The following PTPRD variants were observed in gnomAD, a reference collection of about 807,000 sequenced individuals.
The protein encoded by PTPRD is protein tyrosine phosphatase receptor type D.
Under a neutral mutation model 214.5 loss-of-function variants are expected in PTPRD, and 34 were observed. The observed-to-expected ratio is 0.16, with a 90% CI of 0.12 to 0.21. PTPRD has a LOEUF of 0.21. Ranked by LOEUF, PTPRD falls within the 10% of genes least tolerant of loss-of-function variation. The pLI is 1.00. For synonymous variants in PTPRD, 1,128 were observed against 845.7 expected, an observed-to-expected ratio of 1.33 and a Z score of -5.79; for missense variants, 2,545 against 2,398.7, an observed-to-expected ratio of 1.06 and a Z score of -1.27.
chr9:9,174,458 T>C (rs1034035735), intron 10 of PTPRD, among the ~76,000 whole-genome samples: 10 of 152,210 alleles, frequency 6.6e-5, no homozygotes, highest in East Asian at 5.8e-4. Flanking sequence ...GGCTCAAATA[T>C]AACCTTATAA....
At chr9:8,653,699 G>A (rs1020799416) in intron 12 of PTPRD, among the ~76,000 whole-genome samples, 1 of 152,158 alleles carries the variant, frequency 6.6e-6, no homozygotes. Context: ...GCACTGCACT[G>A]ACCTCTCACC....
At chr9:8,472,714 T>C (rs531944841) in intron 30 of PTPRD, among the ~76,000 whole-genome samples, 1 of 152,198 alleles carries the variant, frequency 6.6e-6, no homozygotes, top group Non-Finnish European at 1.5e-5. Context: ...TTAAATAAAA[T>C]AAATTATTAA....
chr9:10,217,370 A>C (rs1322119383), intron 3 of PTPRD, among the ~76,000 whole-genome samples: 1 of 151,714 alleles, frequency 6.6e-6, no homozygotes, highest in Non-Finnish European at 1.5e-5. Flanking sequence ...AACCCAACTC[A>C]GCCTCCCCCT....
At chr9:9,484,877 A>T (rs1347147295) in intron 8 of PTPRD, among the ~76,000 whole-genome samples, 1 of 152,188 alleles carries the variant, frequency 6.6e-6, no homozygotes, top group East Asian at 1.9e-4. Context: ...ATGTAACAGT[A>T]AACAATAGGC....
At chr9:8,341,426 A>AATC (rs1354103210) in intron 40 of PTPRD, among the ~76,000 whole-genome samples, 158 bp from the exon 41 acceptor site, 2 of 152,072 alleles carry the variant, frequency 1.3e-5, no homozygotes, top group African/African-American at 4.8e-5. Context: ...ACATCTACCT[A>AATC]ATCACTCTCT....
intron 34 of PTPRD, among the ~76,000 whole-genome samples, chr9:8,443,277 A>C (rs1490945639): frequency 1.3e-5 from 2 of 152,230 alleles, no homozygotes; most frequent in East Asian, 3.8e-4. Flanking sequence ...CGGTATTCTT[A>C]ACCTAGGTCA....
intron 3 of PTPRD, among the ~76,000 whole-genome samples, chr9:10,298,384 TA>T (rs2095752407): frequency 7.0e-6 from 1 of 142,960 alleles, no homozygotes; most frequent in African/African-American, 2.8e-5. Context: ...GTTCCAATTA[TA>T]GTACGATATG....
chr9:9,388,984 G>T (rs1393914255), intron 9 of PTPRD, among the ~76,000 whole-genome samples: 3 of 152,102 alleles, frequency 2.0e-5, no homozygotes, highest in African/African-American at 4.8e-5. Context: ...AAATATATAT[G>T]CATATATTTC....
At chr9:9,082,801 A>G (rs1331447143) in intron 10 of PTPRD, among the ~76,000 whole-genome samples, 1 of 152,158 alleles carries the variant, frequency 6.6e-6, no homozygotes, top group African/African-American at 2.4e-5. Context: ...CCCATTCATA[A>G]TTGCTACAAA....
At chr9:8,741,764 T>C (rs144950205) in intron 11 of PTPRD, among the ~76,000 whole-genome samples, 158 of 151,994 alleles carry the variant, frequency 1.0e-3, no homozygotes, top group African/African-American at 3.6e-3. Flanking sequence ...CTAATTGTTG[T>C]ATTTTTAGTA....
At chr9:10,496,454 T>G (rs994966542) in intron 2 of PTPRD, among the ~76,000 whole-genome samples, 1 of 152,042 alleles carries the variant, frequency 6.6e-6, no homozygotes, top group African/African-American at 2.4e-5. Context: ...ATCTATTTGT[T>G]TTTGCACTAA....
chr9:8,713,924 G>A (rs4742532), intron 12 of PTPRD: 568,692 of 682,072 alleles, frequency 0.83, 239,215 homozygotes, highest in African/African-American at 0.96. Flanking sequence ...ATCCACTGAC[G>A]CATAACTTGG....
At chr9:8,526,699 G>C in intron 16 of PTPRD, 55 bp from the exon 17 acceptor site, 1 of 1,447,466 alleles carries the variant, frequency 6.9e-7, no homozygotes, top group South Asian at 1.3e-5. Context: ...ATTAGTACGA[G>C]AAGAAGGAGG....
chr9:8,811,529 G>A (rs1344363953), intron 11 of PTPRD, among the ~76,000 whole-genome samples: 1 of 152,032 alleles, frequency 6.6e-6, no homozygotes, highest in African/African-American at 2.4e-5. Context: ...AGCCCAATCG[G>A]GAAACAGTCC....
At chr9:9,201,546 T>C (rs1214413825) in intron 9 of PTPRD, among the ~76,000 whole-genome samples, 2 of 152,132 alleles carry the variant, frequency 1.3e-5, no homozygotes, top group African/African-American at 2.4e-5. Context: ...TACTATATTA[T>C]AGACTTGGTG....
chr9:8,605,895 C>G (rs2095180052), intron 14 of PTPRD, among the ~76,000 whole-genome samples: 1 of 152,106 alleles, frequency 6.6e-6, no homozygotes, highest in South Asian at 2.1e-4. Flanking sequence ...GCATGTAAAT[C>G]AGAAGCACAG....
At chr9:8,659,704 G>C (rs1321606919) in intron 12 of PTPRD, among the ~76,000 whole-genome samples, 2 of 152,090 alleles carry the variant, frequency 1.3e-5, no homozygotes, top group Non-Finnish European at 2.9e-5. Context: ...GCAAATATGG[G>C]GCTGTTCACA....
At chr9:9,668,007 G>T (rs1356065735) in intron 7 of PTPRD, among the ~76,000 whole-genome samples, 2 of 152,062 alleles carry the variant, frequency 1.3e-5, no homozygotes, top group Admixed American at 1.3e-4. Flanking sequence ...TTGTGAAAAT[G>T]GACAGATTAT....
At chr9:9,871,035 C>T (rs1477914817) in intron 5 of PTPRD, among the ~76,000 whole-genome samples, 1 of 152,052 alleles carries the variant, frequency 6.6e-6, no homozygotes, top group African/African-American at 2.4e-5. Flanking sequence ...TTCATTTGAT[C>T]CCTTGAATCA....
Sources: gnomAD v4.1 joint callset for allele counts (sites outside exome capture counted in the v4.1 genomes callset) on GRCh38, gnomAD v4.1.1 for gene constraint, MANE v1.5 for transcripts, NCBI Gene and HGNC (gene_info 2026-07-23, HGNC 2026-07-21) for gene names.